Variants in ZNF106 observed in about 807,000 individuals in gnomAD.
The protein encoded by ZNF106 is SH3-domain binding protein 3.
ZNF106 carries 67 observed loss-of-function variants against 195.1 expected under a neutral mutation model. That is an observed-to-expected ratio of 0.34 (90% confidence interval 0.28 to 0.42). ZNF106 has a LOEUF of 0.42. Ranked by LOEUF, ZNF106 falls within the 10% of genes least tolerant of loss-of-function variation. The pLI, the probability that ZNF106 is intolerant of heterozygous loss-of-function variation, is 1.00. For synonymous variants in ZNF106, 784 were observed against 818.6 expected (o/e 0.96, Z 0.72); for missense variants, 2,118 against 2,304.5 (o/e 0.92, Z 1.66).
intron 3 of ZNF106, among the ~76,000 whole-genome samples, chr15:42,464,685 C>T (rs74666918): frequency 0.014 from 2,133 of 152,018 alleles, 120 homozygotes; most frequent in Admixed American, 0.096. Flanking sequence ...TACCACTATG[C>T]CCAGCTAATT....
rs1439395108 is a variant in ZNF106 at position 42,451,046 on chromosome 15, G to A, written c.1226C>T (p.Thr409Ile). Residue 409 changes from threonine to isoleucine, a missense_variant, in exon 5 of 22, where the codon ACT (threonine) becomes ATT (isoleucine). By Grantham distance (89) the Thr-to-Ile change is moderately conservative. Transcript: ENST00000564754. ...AGTTTGGGGCTCCTGTATTCCTGTA[G>A]TTATCAAGCTAAAATCAAAGAGAGG... Reference protein sequence around the residue: ...EKPLFDFSLITTGIQEPQTDE... With the variant: ...EKPLFDFSLIITGIQEPQTDE... The A allele has an allele frequency of 1.2e-6, 2 of 1,614,070 alleles. No individual in the cohort carries two copies.
intron 2 of ZNF106, among the ~76,000 whole-genome samples, chr15:42,466,698 A>G (rs954397523): frequency 6.6e-6 from 1 of 152,248 alleles, no homozygotes; most frequent in Non-Finnish European, 1.5e-5. Context: ...ATAGCAGCTT[A>G]ATCAATCCTT....
intron 4 of ZNF106, among the ~76,000 whole-genome samples, chr15:42,456,160 T>C (rs942607250): frequency 2.6e-5 from 4 of 152,190 alleles, no homozygotes; most frequent in Non-Finnish European, 5.9e-5. Flanking sequence ...AACACGTTAA[T>C]TCACACCAGT....
chr15:42,437,135 C>T (rs2055308370), intron 13 of ZNF106, 97 bp downstream of exon 13: 1 of 1,360,122 alleles, frequency 7.4e-7, no homozygotes, highest in Non-Finnish European at 1.0e-6. Flanking sequence ...CCCCTTCCTT[C>T]AGACAGCCAA....
At chr15:42,470,267 T>C (rs2056635131) in intron 2 of ZNF106, among the ~76,000 whole-genome samples, 1 of 152,186 alleles carries the variant, frequency 6.6e-6, no homozygotes, top group Non-Finnish European at 1.5e-5. Flanking sequence ...TTAGAACCTT[T>C]TCTCCTCCAT....
rs1182584142 is a variant in ZNF106 at position 42,439,129 on chromosome 15, G to A, written c.4448C>T (p.Thr1483Ile). The A allele has an allele frequency of 2.5e-6, 4 of 1,613,972 alleles. No individual in the cohort carries two copies. In the African/African-American group the frequency reaches 5.3e-5, roughly 22 times the overall value. The change falls in exon 11 of 22, where the codon ACA becomes ATA. Residue 1483 changes from threonine (T) to isoleucine (I), a missense_variant. Coordinates refer to ENST00000564754, the MANE Select transcript of ZNF106 (RefSeq NM_001366845.3). ...SPSKKDIWNSTEQNPLETSRS... is the reference protein window; with the variant it reads ...SPSKKDIWNSIEQNPLETSRS... ...AGACGTTTCTAGTGGGTTTTGCTCT[G>A]TAGAGTTCCAAATATCCTTTTTAGA...
chr15:42,418,025 G>C, intron 20 of ZNF106, 74 bp from the exon 21 acceptor site: 1 of 1,455,806 alleles, frequency 6.9e-7, no homozygotes, highest in East Asian at 2.5e-5. Context: ...CCCCCAGCTG[G>C]ATCCCATAAG....
At chr15:42,429,697 A>C (rs943505636) in intron 14 of ZNF106, among the ~76,000 whole-genome samples, 1 of 152,044 alleles carries the variant, frequency 6.6e-6, no homozygotes, top group African/African-American at 2.4e-5. Context: ...GATACAGCAA[A>C]AGACAGTAAA....
intron 3 of ZNF106, among the ~76,000 whole-genome samples, chr15:42,459,470 C>T (rs1033551606): frequency 3.3e-5 from 5 of 151,550 alleles, no homozygotes; most frequent in South Asian, 2.1e-4. Flanking sequence ...AGTGAGACTC[C>T]GTCTCAAAAA....
At chr15:42,417,452 A>G (rs2054501350) in intron 21 of ZNF106, 92 bp from the exon 22 acceptor site, 2 of 1,477,408 alleles carry the variant, frequency 1.4e-6, no homozygotes. Context: ...GGTCCATTCC[A>G]CCTAGGATCC....
intron 1 of ZNF106, among the ~76,000 whole-genome samples, chr15:42,479,219 C>T (rs1020412091): frequency 7.9e-5 from 12 of 151,574 alleles, no homozygotes; most frequent in African/African-American, 2.9e-4. Flanking sequence ...ACTAAAAACA[C>T]AAAAATTAGC....
In ZNF106 at chr15:42,424,827, T is replaced by G. The variant is rs756496355; in HGVS notation, c.5190+7A>C. ...AGACAACTCCGATTCTCTTGCACTG[T>G]ACTTGCCTTCATGCAAAGAATGGTT... On this transcript the variant is annotated splice_region_variant and intron_variant, in intron 16 of 21. Transcript: ENST00000564754. The G allele has an allele frequency of 2.0e-5, 32 of 1,613,662 alleles. No individual in the cohort carries two copies. The highest frequency in any genetic ancestry group is 1.3e-5 in the African/African-American group (1 of 74,908).
chr15:42,435,422 C>T lies in ZNF106; in HGVS notation c.4843G>A (p.Gly1615Arg), dbSNP rs377456978. 5 of 1,614,020 alleles carry T rather than the reference C, an allele frequency of 3.1e-6. No homozygotes were observed. The highest frequency in any genetic ancestry group is 2.2e-5 in the East Asian group (1 of 44,898). The change falls in exon 14 of 22, where the codon GGG becomes AGG. Residue 1615 changes from glycine (G) to arginine (R), a missense_variant. Transcript: ENST00000564754. ...TSGKNAALYT[G>R]SSDHTIRCYN... ...CAGCGGATGGTATGGTCACTGGACCCGGTGTAAAGGGCAGCATTCTTCCCG... is the reference window on the plus strand; with the variant it reads ...CAGCGGATGGTATGGTCACTGGACCTGGTGTAAAGGGCAGCATTCTTCCCG...
chr15:42,481,827 G>C (rs1238854286), intron 1 of ZNF106, among the ~76,000 whole-genome samples: 1 of 151,994 alleles, frequency 6.6e-6, no homozygotes, highest in African/African-American at 2.4e-5. Context: ...TGTTTTCTTT[G>C]CTGTTTTCTA....
intron 10 of ZNF106, 181 bp downstream of exon 10, chr15:42,441,892 A>C: frequency 2.2e-6 from 1 of 456,124 alleles, no homozygotes; most frequent in East Asian, 3.3e-5. Flanking sequence ...CTGATATTTA[A>C]ATTACATTCT....
chr15:42,478,945 G>A (rs994341966), intron 1 of ZNF106, among the ~76,000 whole-genome samples: 2 of 152,114 alleles, frequency 1.3e-5, no homozygotes, highest in African/African-American at 2.4e-5. Context: ...TTTTGATGTC[G>A]TATTTTCATT....
chr15:42,454,283 AG>A (rs1372482374), intron 4 of ZNF106, among the ~76,000 whole-genome samples: 2 of 151,720 alleles, frequency 1.3e-5, no homozygotes. Flanking sequence ...CTCTTTAGAA[AG>A]TAACAAGTAT....
Position 42,451,118 on chromosome 15 carries a change from G to A in ZNF106, c.1154C>T (p.Ser385Leu), listed in dbSNP as rs373352725. Reference sequence around the variant, plus strand: ...GTTACCAGTGATGTCTTTCAATCCCGACTGTAAATCCAGAGTCTTCTGAGA... The same window carrying A: ...GTTACCAGTGATGTCTTTCAATCCCAACTGTAAATCCAGAGTCTTCTGAGA... Reference protein sequence around the residue: ...YPSQKTLDLQSGLKDITGNKS... With the variant: ...YPSQKTLDLQLGLKDITGNKS... Residue 385 changes from serine (S) to leucine (L), a missense_variant, in exon 5 of 22, where the codon TCG (serine) becomes TTG (leucine). Physicochemically the swap from Ser to Leu is moderately radical, Grantham distance 145. Transcript: ENST00000564754. 8.7e-6 allele frequency: 14 copies of A among 1,613,984 alleles called. No individual in the cohort carries two copies. The highest frequency in any genetic ancestry group is 8.0e-5 in the African/African-American group (6 of 74,906).
intron 13 of ZNF106, 83 bp downstream of exon 13, chr15:42,437,149 A>C (rs1595450795): frequency 1.4e-6 from 2 of 1,455,058 alleles, no homozygotes; most frequent in East Asian, 4.7e-5. Context: ...CAGCCAACAA[A>C]TTCCCTTTAT....
Sources: gnomAD v4.1 joint callset for allele counts (sites outside exome capture counted in the v4.1 genomes callset) on GRCh38, gnomAD v4.1.1 for gene constraint, MANE v1.5 for transcripts, NCBI Gene and HGNC (gene_info 2026-07-23, HGNC 2026-07-21) for gene names.